Variants in DOCK9 observed in about 807,000 individuals in gnomAD.
DOCK9 encodes the protein dedicator of cytokinesis 9.
A neutral mutation model predicts 263.3 loss-of-function variants in DOCK9; 89 were observed. The observed-to-expected ratio is 0.34, with a 90% confidence interval of 0.28 to 0.40. The LOEUF is 0.40. Ranked by LOEUF, DOCK9 falls within the 10% of genes least tolerant of loss-of-function variation. The pLI, the probability that DOCK9 is intolerant of heterozygous loss-of-function variation, is 1.00. For missense variants in DOCK9, 2,140 were observed against 2,603.4 expected (o/e 0.82, Z 3.87); for synonymous variants, 976 against 973.1 (o/e 1.00, Z -0.06).
At chr13:98,796,585 TAATCAGGGAAGATGCCCATAGTGAC>T (rs1048792672) in intron 52 of DOCK9, among the ~76,000 whole-genome samples, 1 of 151,940 alleles carries the variant, frequency 6.6e-6, no homozygotes, top group African/African-American at 2.4e-5. Flanking sequence ...AACAGCAAAA[TAATCAGGGAAGATGCCCATAGTGAC>T]AAGGAACTTA....
intron 1 of DOCK9, among the ~76,000 whole-genome samples, chr13:99,085,454 C>A (rs959650708): frequency 6.6e-6 from 1 of 152,218 alleles, no homozygotes; most frequent in East Asian, 1.9e-4. Flanking sequence ...GCAGGACCGG[C>A]GCTGGCTGTG....
intron 1 of DOCK9, among the ~76,000 whole-genome samples, chr13:99,039,833 G>A (rs1888286820): frequency 6.6e-6 from 1 of 152,294 alleles, no homozygotes; most frequent in South Asian, 2.1e-4. Flanking sequence ...ATAGCACTGA[G>A]GGTGGACAGC....
intron 2 of DOCK9, chr13:98,950,455 G>A: frequency 4.9e-6 from 3 of 611,298 alleles, no homozygotes; most frequent in Non-Finnish European, 8.6e-6. Flanking sequence ...CATCTTTCTA[G>A]TATCTAATAT....
chr13:98,954,990 C>A (rs545741209), intron 2 of DOCK9, among the ~76,000 whole-genome samples: 114 of 152,134 alleles, frequency 7.5e-4, no homozygotes, highest in African/African-American at 2.6e-3. Context: ...AATAACTTTT[C>A]TTTCTTAAAT....
At position 98,920,372 on chromosome 13, in the gene DOCK9, T is replaced by C. The variant is rs143984218; in HGVS notation, c.717+582A>G. Among the ~76,000 whole-genome samples the C allele has an allele frequency of 4.6e-5, 7 of 152,336 alleles. No individual in the cohort carries two copies. In the East Asian group the frequency reaches 1.3e-3, roughly 29 times the overall value. On this transcript the variant is annotated intron_variant, in intron 7 of 52. Coordinates refer to ENST00000682017, the MANE Select transcript of DOCK9 (RefSeq NM_001366683.2). ...CATTTGTTGGCACTGTTCTAAGCTT[T>C]TTACATGTGTAATGAATGAACCCTC...
exon 1 of DOCK9, chr13:99,086,431 G>C: frequency 1.1e-6 from 1 of 892,236 alleles, no homozygotes; most frequent in Non-Finnish European, 1.3e-6. Flanking sequence ...CGCCCTCGGC[G>C]CCCGGCCCGC....
chr13:98,820,942 A>G (rs78900833), intron 45 of DOCK9, among the ~76,000 whole-genome samples: 2,628 of 152,326 alleles, frequency 0.017, 36 homozygotes, highest in East Asian at 0.051. Context: ...GAGAGCTGCA[A>G]CAAGAAGCAG....
At chr13:98,907,304 C>T (rs147184289) in intron 9 of DOCK9, among the ~76,000 whole-genome samples, 1 of 152,230 alleles carries the variant, frequency 6.6e-6, no homozygotes, top group African/African-American at 2.4e-5. Flanking sequence ...AAGGCAAATA[C>T]TGTGTTATGT....
At chr13:99,023,907 A>G (rs1886419278) in intron 1 of DOCK9, among the ~76,000 whole-genome samples, 1 of 152,232 alleles carries the variant, frequency 6.6e-6, no homozygotes, top group African/African-American at 2.4e-5. Flanking sequence ...AAGATGCCTG[A>G]GATTTAAATT....
chr13:98,972,134 A>C (rs2059800097), intron 1 of DOCK9, among the ~76,000 whole-genome samples: 2 of 152,346 alleles, frequency 1.3e-5, no homozygotes, highest in South Asian at 4.1e-4. Context: ...AACTTTGAGC[A>C]AGAGGAAACT....
chr13:98,951,924 T>G (rs1188078443), intron 2 of DOCK9, among the ~76,000 whole-genome samples: 6 of 136,542 alleles, frequency 4.4e-5, no homozygotes, highest in Non-Finnish European at 7.8e-5. Context: ...TGAGATGGAG[T>G]TTTCCTCTTG....
At chr13:98,990,324 A>G (rs1253868179) in intron 1 of DOCK9, among the ~76,000 whole-genome samples, 2 of 152,202 alleles carry the variant, frequency 1.3e-5, no homozygotes, top group African/African-American at 4.8e-5. Flanking sequence ...TTCCTTTTAA[A>G]CAGAATCTGT....
chr13:99,051,751 C>A (rs2040705241), intron 1 of DOCK9, among the ~76,000 whole-genome samples: 1 of 151,010 alleles, frequency 6.6e-6, no homozygotes, highest in Non-Finnish European at 1.5e-5. Context: ...CAAAAGTGGT[C>A]CCAATTGCTC....
At chr13:98,818,704 C>T (rs929872646) in intron 45 of DOCK9, among the ~76,000 whole-genome samples, 31 of 152,022 alleles carry the variant, frequency 2.0e-4, no homozygotes, top group African/African-American at 7.5e-4. Flanking sequence ...AAAAGGAACT[C>T]AGTGCAGCAA....
chr13:98,819,186 T>TG (rs1482525815), intron 45 of DOCK9, among the ~76,000 whole-genome samples: 1 of 152,176 alleles, frequency 6.6e-6, no homozygotes, highest in African/African-American at 2.4e-5. Flanking sequence ...AATCTGGGTT[T>TG]GGGGGGTAAG....
At chr13:98,845,814 A>G (rs1248710308) in intron 38 of DOCK9, 110 bp downstream of exon 38, 1 of 1,424,362 alleles carries the variant, frequency 7.0e-7, no homozygotes, top group Non-Finnish European at 9.5e-7. Flanking sequence ...ACTTGCTTTG[A>G]GCTAGAAGAA....
At chr13:98,811,233 G>T (rs567985135) in intron 45 of DOCK9, among the ~76,000 whole-genome samples, 22 of 152,330 alleles carry the variant, frequency 1.4e-4, no homozygotes, top group African/African-American at 5.3e-4. Flanking sequence ...CATTAATGAT[G>T]CTGAATTAAT....
chr13:99,064,678 G>A (rs1286846242), intron 1 of DOCK9, among the ~76,000 whole-genome samples: 1 of 152,162 alleles, frequency 6.6e-6, no homozygotes, highest in East Asian at 1.9e-4. Flanking sequence ...TCCCTTCAAA[G>A]GGAAGCATGG....
intron 1 of DOCK9, among the ~76,000 whole-genome samples, chr13:99,023,255 A>G (rs1886328036): frequency 1.3e-5 from 2 of 152,272 alleles, no homozygotes; most frequent in Admixed American, 6.5e-5. Context: ...GGATGAACAG[A>G]TAAGCAAAAT....
Sources: allele counts gnomAD v4.1 joint callset (sites outside exome capture counted in the v4.1 genomes callset), GRCh38; gene constraint gnomAD v4.1.1; transcripts MANE v1.5; gene names NCBI Gene and HGNC (gene_info 2026-07-23, HGNC 2026-07-21).